SLC24A4: variants seen among roughly 807,000 people sequenced by gnomAD.
The protein encoded by SLC24A4 is sodium/potassium/calcium exchanger 4.
In SLC24A4, 53 loss-of-function variants were observed where a neutral mutation model predicts 79.0. The ratio of observed to expected loss-of-function variants is 0.67; its 90% confidence interval spans 0.54 to 0.84. The LOEUF is 0.84. Ranked by LOEUF, SLC24A4 falls within the 40% of genes least tolerant of loss-of-function variation. The pLI is 0.00. For missense variants in SLC24A4, 731 were observed against 822.0 expected, an observed-to-expected ratio of 0.89 and a Z score of 1.35; for synonymous variants, 323 against 323.8, an observed-to-expected ratio of 1.00 and a Z score of 0.03.
At chr14:92,475,764 C>A (rs951052357) in intron 12 of SLC24A4, among the ~76,000 whole-genome samples, 2 of 152,158 alleles carry the variant, frequency 1.3e-5, no homozygotes, top group African/African-American at 4.8e-5. Flanking sequence ...ATACACATAC[C>A]TGGAAATATA....
chr14:92,365,340 A>ATT (rs1887768501), intron 2 of SLC24A4, among the ~76,000 whole-genome samples: 1 of 152,230 alleles, frequency 6.6e-6, no homozygotes, highest in Non-Finnish European at 1.5e-5. Flanking sequence ...CGGCCATTCC[A>ATT]AGCCTTGCCA....
chr14:92,443,979 C>T (rs1166538471), intron 7 of SLC24A4, among the ~76,000 whole-genome samples: 1 of 152,004 alleles, frequency 6.6e-6, no homozygotes, highest in South Asian at 2.1e-4. Context: ...CAGCCTTTTC[C>T]TAACCTGCTC....
chr14:92,434,855 C>T (rs2139792486), intron 3 of SLC24A4, among the ~76,000 whole-genome samples: 1 of 152,280 alleles, frequency 6.6e-6, no homozygotes. Flanking sequence ...CTCACTGCAA[C>T]CTCTGCCTCC....
chr14:92,477,586 A>C (rs1894837836), intron 12 of SLC24A4, among the ~76,000 whole-genome samples: 1 of 151,858 alleles, frequency 6.6e-6, no homozygotes. Context: ...CAACCTCCCA[A>C]GTAGTTGAGA....
intron 2 of SLC24A4, among the ~76,000 whole-genome samples, chr14:92,327,876 T>G (rs1885239351): frequency 6.6e-6 from 1 of 152,208 alleles, no homozygotes; most frequent in Admixed American, 6.5e-5. Flanking sequence ...TAAAAATAGT[T>G]AACTTTTGCA....
chr14:92,340,905 AC>A (rs772326051), intron 2 of SLC24A4, among the ~76,000 whole-genome samples: 4 of 152,208 alleles, frequency 2.6e-5, no homozygotes, highest in Admixed American at 6.5e-5. Context: ...AGGCATGTAA[AC>A]AAAATAATAG....
chr14:92,464,634 C>T (rs564080668), intron 12 of SLC24A4, among the ~76,000 whole-genome samples: 122 of 152,222 alleles, frequency 8.0e-4, no homozygotes, highest in Non-Finnish European at 1.5e-3. Flanking sequence ...CCAGCCTCAC[C>T]GCAATTCTGC....
chr14:92,372,958 CCTCTCTCT>C (rs1566722070), intron 2 of SLC24A4, among the ~76,000 whole-genome samples: 4 of 129,426 alleles, frequency 3.1e-5, no homozygotes, highest in Admixed American at 8.2e-5. Context: ...TCTCTCTCTC[CCTCTCTCT>C]CTCTCCCCCC....
At chr14:92,422,663 A>G (rs1223142924) in intron 2 of SLC24A4, among the ~76,000 whole-genome samples, 1 of 152,018 alleles carries the variant, frequency 6.6e-6, no homozygotes, top group Non-Finnish European at 1.5e-5. Flanking sequence ...TATCATGCTA[A>G]AAAATGGAAG....
At chr14:92,491,026 AC>A (rs1384793211) in intron 14 of SLC24A4, among the ~76,000 whole-genome samples, 5 of 152,104 alleles carry the variant, frequency 3.3e-5, no homozygotes, top group Non-Finnish European at 2.9e-5. Flanking sequence ...AACAACTAAA[AC>A]CAAGAACTTC....
Position 92,442,761 on chromosome 14 carries a change from C to T in SLC24A4, c.527C>T (p.Ser176Phe). 6.2e-7 allele frequency: 1 copy of T among 1,614,180 alleles called. No homozygotes were observed. Among genetic ancestry groups the T allele is most frequent in the Non-Finnish European group, 8.5e-7 (1 of 1,180,020 alleles). ...GDVGVGTIVG[S>F]AVFNILCIIG... ...GTCGGGGTGGGCACCATCGTGGGCT[C>T]TGCTGTGTTCAACATCCTGTGCATA... Residue 176 changes from serine (S) to phenylalanine (F), a missense_variant, in exon 6 of 17, where the codon TCT (serine) becomes TTT (phenylalanine). Transcript: ENST00000532405.
intron 3 of SLC24A4, 86 bp from the exon 4 acceptor site, chr14:92,439,248 TG>T: frequency 8.8e-7 from 1 of 1,140,370 alleles, no homozygotes; most frequent in Non-Finnish European, 1.3e-6. Context: ...GCCTCTGCCC[TG>T]GCAGCCTGGT....
rs146323738 is a variant in SLC24A4, at chr14:92,439,370, C to T, written c.354C>T (p.Cys118=). ...LYMFYALAIV[C]DDFFVPSLEK... is the part of the protein sequence containing the mutation. Reference sequence around the variant, plus strand: ...TGTTCTATGCCTTGGCCATAGTGTGCGATGACTTCTTTGTTCCGTCTCTAG... The same window carrying T: ...TGTTCTATGCCTTGGCCATAGTGTGTGATGACTTCTTTGTTCCGTCTCTAG... The change falls in exon 4 of 17, where the codon TGC becomes TGT. Residue 118 remains cysteine, a synonymous_variant. Transcript: ENST00000532405. The T allele has an allele frequency of 5.8e-5, 94 of 1,613,066 alleles. No individual in the cohort carries two copies. In the African/African-American group the frequency reaches 1.1e-3, roughly 18 times the overall value.
At chr14:92,369,816 T>G (rs1430150528) in intron 2 of SLC24A4, among the ~76,000 whole-genome samples, 2 of 152,198 alleles carry the variant, frequency 1.3e-5, no homozygotes, top group Non-Finnish European at 2.9e-5. Flanking sequence ...CCCCGAAGTC[T>G]CGAGTAAAAA....
chr14:92,446,827 G>T (rs544900722), intron 8 of SLC24A4, among the ~76,000 whole-genome samples: 7 of 152,206 alleles, frequency 4.6e-5, no homozygotes, highest in Non-Finnish European at 1.0e-4. Context: ...GCACCAGAGG[G>T]TAGTAATGGT....
At position 92,499,713 on chromosome 14, in the gene SLC24A4, T is replaced by G. The variant is rs1376670399; in HGVS notation, c.*6085T>G. On this transcript the variant is annotated 3_prime_UTR_variant, in exon 17 of 17. Coordinates refer to ENST00000532405, the MANE Select transcript of SLC24A4 (RefSeq NM_153646.4). ...ATTTTTTTTTTTTTTAGAGACAGGA[T>G]CTCGCTGTGTTCCCCAGGTAGGTCT... is the stretch of plus-strand genomic sequence containing the variant. The G allele has an allele frequency of 6.6e-6, 1 of 150,910 alleles. No homozygotes were observed. The highest frequency in any genetic ancestry group is 1.5e-5 in the Non-Finnish European group (1 of 67,844). The allele number at this position is 150,910 out of a possible 1,614,324, so 9.3% of individuals were successfully genotyped here.
chr14:92,395,914 C>T (rs1233678452), intron 2 of SLC24A4, among the ~76,000 whole-genome samples: 4 of 152,216 alleles, frequency 2.6e-5, no homozygotes, highest in African/African-American at 9.6e-5. Flanking sequence ...CAACTTCCGC[C>T]TGCTGGGTTC....
intron 2 of SLC24A4, among the ~76,000 whole-genome samples, chr14:92,326,365 C>T (rs1340887635): frequency 6.6e-6 from 1 of 152,172 alleles, no homozygotes; most frequent in African/African-American, 2.4e-5. Context: ...GCTGCTGTGG[C>T]AATGGTGCTT....
chr14:92,426,575 T>C (rs1891576867), intron 2 of SLC24A4, among the ~76,000 whole-genome samples: 1 of 152,220 alleles, frequency 6.6e-6, no homozygotes, highest in South Asian at 2.1e-4. Flanking sequence ...TCTTTTGGAA[T>C]GTACTGAAAG....
Sources: allele counts gnomAD v4.1 joint callset (sites outside exome capture counted in the v4.1 genomes callset), GRCh38; gene constraint gnomAD v4.1.1; transcripts MANE v1.5; gene names NCBI Gene and HGNC (gene_info 2026-07-23, HGNC 2026-07-21).